HTR2C: variants seen among roughly 807,000 people sequenced by gnomAD.
The protein encoded by HTR2C is 5-hydroxytryptamine (serotonin) receptor 2C, G protein-coupled.
Under a neutral mutation model 21.0 loss-of-function variants are expected in HTR2C, and 5 were observed. The observed-to-expected ratio is 0.24, with a 90% CI of 0.12 to 0.50. The LOEUF (loss-of-function observed/expected upper bound fraction) is 0.50, where lower values mean the gene tolerates loss of function less well. HTR2C is among the 20% of genes least tolerant of loss of function. HTR2C has a pLI of 0.98. For synonymous variants in HTR2C, 150 were observed against 145.3 expected (o/e 1.03, Z -0.23); for missense variants, 271 against 371.2 (o/e 0.73, Z 2.22).
At chrX:114,764,726 A>G (rs782486804) in intron 4 of HTR2C, among the ~76,000 whole-genome samples, 45 of 111,772 alleles carry the variant, frequency 4.0e-4, no homozygotes, top group Middle Eastern at 4.6e-3. Context: ...CGCACCTCCT[A>G]CGTTTTCTTC....
At chrX:114,867,110 A>G (rs2071051867) in intron 5 of HTR2C, among the ~76,000 whole-genome samples, 2 of 111,887 alleles carry the variant, frequency 1.8e-5, no homozygotes, top group Non-Finnish European at 3.8e-5. Context: ...ACTAATTTAC[A>G]TTCCCACCAA....
rs782237393 is a variant in HTR2C at position 114,837,780 on chromosome X, C to T, written c.350-10223C>T. ...TATACAAGTTAGTTTATACTCTTATCATAGTGAAAATTAATAACATAATGA... is the reference window on the plus strand; with the variant it reads ...TATACAAGTTAGTTTATACTCTTATTATAGTGAAAATTAATAACATAATGA... On this transcript the variant is annotated intron_variant, in intron 4 of 5. Transcript: ENST00000276198. Among the ~76,000 whole-genome samples the T allele has an allele frequency of 2.7e-5, 3 of 110,703 alleles. No individual in the cohort carries two copies. The South Asian group carries it at 1.1e-3, about 42-fold the overall frequency.
At chrX:114,683,584 A>G (rs1181805761) in intron 2 of HTR2C, among the ~76,000 whole-genome samples, 1 of 111,052 alleles carries the variant, frequency 9.0e-6, no homozygotes, top group African/African-American at 3.3e-5. Context: ...TAGGAGTTTG[A>G]GACCAGCCTG....
chrX:114,597,217 CCAAAAAAAAA>C (rs1352067097), intron 1 of HTR2C, among the ~76,000 whole-genome samples: 1 of 36,744 alleles, frequency 2.7e-5, no homozygotes, highest in African/African-American at 1.3e-4. Context: ...GATTTCATCT[CCAAAAAAAAA>C]AAAAAAAAAA....
chrX:114,728,382 T>C (rs989236870), intron 3 of HTR2C, among the ~76,000 whole-genome samples: 6 of 111,178 alleles, frequency 5.4e-5, no homozygotes, highest in African/African-American at 2.0e-4. Flanking sequence ...AAAAGGACTT[T>C]ATAATTTCAC....
chrX:114,896,455 C>A (rs782276955), intron 5 of HTR2C, among the ~76,000 whole-genome samples: 2 of 111,951 alleles, frequency 1.8e-5, no homozygotes, highest in African/African-American at 6.5e-5. Flanking sequence ...TTAAAAATGC[C>A]AATGATGATT....
intron 5 of HTR2C, among the ~76,000 whole-genome samples, chrX:114,897,558 G>A (rs1200272354): frequency 3.6e-5 from 4 of 111,060 alleles, no homozygotes; most frequent in Admixed American, 2.9e-4. Context: ...AATGCCCTCC[G>A]TCCTCACCGG....
chrX:114,904,887 C>T (rs1022595914), intron 5 of HTR2C, among the ~76,000 whole-genome samples: 1 of 40,712 alleles, frequency 2.5e-5, no homozygotes, highest in African/African-American at 7.1e-5. Context: ...GCTTTCTTAA[C>T]TGCTTTTTTT....
At chrX:114,637,186 T>G (rs1240385928) in intron 2 of HTR2C, among the ~76,000 whole-genome samples, 1 of 111,870 alleles carries the variant, frequency 8.9e-6, no homozygotes, top group African/African-American at 3.3e-5. Context: ...GAGGCACTTT[T>G]AAAAGTGTTA....
chrX:114,792,543 C>G (rs1176827121), intron 4 of HTR2C, among the ~76,000 whole-genome samples: 1 of 111,594 alleles, frequency 9.0e-6, no homozygotes, highest in Non-Finnish European at 1.9e-5. Context: ...GGGTTGATCT[C>G]ATGTCTTTGG....
intron 4 of HTR2C, among the ~76,000 whole-genome samples, chrX:114,762,447 T>C (rs1387672086): frequency 9.0e-6 from 1 of 111,325 alleles, no homozygotes; most frequent in Non-Finnish European, 1.9e-5. Context: ...CCCTGATTTC[T>C]TCGAATTGGT....
intron 4 of HTR2C, among the ~76,000 whole-genome samples, chrX:114,806,736 C>CACACCATATATAT (rs201781308): frequency 1.4e-5 from 1 of 73,207 alleles, no homozygotes; most frequent in African/African-American, 5.0e-5. Flanking sequence ...CATATATATA[C>CACACCATATATAT]ACACCATATA....
intron 2 of HTR2C, among the ~76,000 whole-genome samples, chrX:114,662,221 A>G (rs1381246333): frequency 8.9e-6 from 1 of 111,860 alleles, no homozygotes; most frequent in Non-Finnish European, 1.9e-5. Flanking sequence ...GAATGTTTAT[A>G]CAGGTATAGG....
At chrX:114,802,683 ATTCTTTCTTTCTTTCTTTCT>A (rs57990660) in intron 4 of HTR2C, among the ~76,000 whole-genome samples, 11 of 66,792 alleles carry the variant, frequency 1.6e-4, no homozygotes, top group African/African-American at 3.9e-4. Flanking sequence ...CTATGCTTAG[ATTCTTTCTTTCTTTCTTTCT>A]TTCTTTCTTT....
At chrX:114,652,649 T>G (rs781963068) in intron 2 of HTR2C, 1 of 377,949 alleles carries the variant, frequency 2.6e-6, no homozygotes, top group East Asian at 7.7e-5. Flanking sequence ...ATGCCTGGCA[T>G]ATAGCAGGTC....
intron 1 of HTR2C, among the ~76,000 whole-genome samples, chrX:114,589,044 A>G (rs1186529777): frequency 2.7e-5 from 3 of 112,329 alleles, no homozygotes; most frequent in Non-Finnish European, 5.6e-5. Flanking sequence ...GAAACCAGGC[A>G]GTTTTATTCC....
In HTR2C at chrX:114,809,921, G is replaced by C. The variant is rs782625491; in HGVS notation, c.350-38082G>C. On this transcript the variant is annotated intron_variant, in intron 4 of 5. Transcript: ENST00000276198. ...CAGCAGGGCTCTGAGTCTCACCCAA[G>C]GCCCATGGCAAATTCTGCTCGGCTA... Among the ~76,000 whole-genome samples the C allele has an allele frequency of 4.5e-5, 5 of 111,888 alleles. No homozygotes were observed. In the East Asian group the frequency reaches 8.5e-4, roughly 19 times the overall value.
intron 5 of HTR2C, among the ~76,000 whole-genome samples, chrX:114,886,742 CTT>C (rs1556481626): frequency 1.8e-5 from 2 of 110,584 alleles, no homozygotes; most frequent in Admixed American, 9.7e-5. Flanking sequence ...AATTTTATGT[CTT>C]TTAAATAATT....
intron 4 of HTR2C, among the ~76,000 whole-genome samples, chrX:114,751,653 GTACT>G (rs782066486): frequency 3.9e-4 from 44 of 111,718 alleles, no homozygotes; most frequent in African/African-American, 1.0e-3. Context: ...TGTCATTTGA[GTACT>G]TACTTCATAA....
Sources: gnomAD v4.1 joint callset for allele counts (sites outside exome capture counted in the v4.1 genomes callset) on GRCh38, gnomAD v4.1.1 for gene constraint, MANE v1.5 for transcripts, NCBI Gene and HGNC (gene_info 2026-07-23, HGNC 2026-07-21) for gene names.